The following TENM1 variants were observed in gnomAD, a reference collection of about 807,000 sequenced individuals.
TENM1 encodes the protein teneurin transmembrane protein 1, also known as teneurin-1.
A neutral mutation model predicts 174.8 loss-of-function variants in TENM1; 35 were observed. That is an observed-to-expected ratio of 0.20 (90% confidence interval 0.15 to 0.27). TENM1 has a LOEUF of 0.27. TENM1 is among the 10% of genes least tolerant of loss of function. The pLI, the probability that TENM1 is intolerant of heterozygous loss-of-function variation, is 1.00. For missense variants in TENM1, 1,633 were observed against 2,130.1 expected, an observed-to-expected ratio of 0.77 and a Z score of 4.59; for synonymous variants, 781 against 798.7, an observed-to-expected ratio of 0.98 and a Z score of 0.37.
chrX:124,587,052 T>C (rs773927570), intron 11 of TENM1, among the ~76,000 whole-genome samples: 3,689 of 108,685 alleles, frequency 0.034, 72 homozygotes, highest in African/African-American at 0.061. Flanking sequence ...TACAAACAAA[T>C]GGAAGAACAT....
intron 3 of TENM1, among the ~76,000 whole-genome samples, chrX:124,853,920 A>G (rs753320034): frequency 9.0e-6 from 1 of 111,468 alleles, no homozygotes; most frequent in African/African-American, 3.3e-5. Context: ...TGGTGCAACT[A>G]CAAGAGTGTC....
intron 11 of TENM1, among the ~76,000 whole-genome samples, chrX:124,607,007 G>T (rs965207403): frequency 1.4e-4 from 15 of 110,170 alleles, no homozygotes; most frequent in African/African-American, 4.6e-4. Flanking sequence ...AAAGGAGGAA[G>T]ATGTGGAGGA....
chrX:124,602,212 CA>C (rs1289337948), intron 11 of TENM1, among the ~76,000 whole-genome samples: 4 of 110,814 alleles, frequency 3.6e-5, no homozygotes, highest in African/African-American at 1.3e-4. Flanking sequence ...CTGAAATCCC[CA>C]AAACTAAAGT....
intron 10 of TENM1, among the ~76,000 whole-genome samples, chrX:124,644,400 G>A (rs1352960452): frequency 9.2e-6 from 1 of 108,706 alleles, no homozygotes; most frequent in African/African-American, 3.4e-5. Context: ...CCTCTTTCCC[G>A]AACAACAGTT....
intron 14 of TENM1, among the ~76,000 whole-genome samples, chrX:124,553,620 CT>C (rs1926778288): frequency 1.1e-5 from 1 of 95,106 alleles, no homozygotes; most frequent in Non-Finnish European, 2.0e-5. Context: ...ACCATCTTGC[CT>C]TTAAAAAAAA....
At chrX:124,923,948 G>C (rs1052200701) in intron 1 of TENM1, among the ~76,000 whole-genome samples, 1 of 112,348 alleles carries the variant, frequency 8.9e-6, no homozygotes, top group African/African-American at 3.2e-5. Flanking sequence ...AGAACTGTAA[G>C]ATAACACATT....
intron 1 of TENM1, among the ~76,000 whole-genome samples, chrX:124,942,829 T>C (rs905454823): frequency 3.6e-5 from 4 of 111,425 alleles, no homozygotes. Context: ...ATTATTTTTA[T>C]TTCAAATAGA....
chrX:124,936,561 C>G (rs1054096255), intron 1 of TENM1, among the ~76,000 whole-genome samples: 4 of 112,006 alleles, frequency 3.6e-5, no homozygotes, highest in Admixed American at 9.5e-5. Flanking sequence ...CCACTGTACT[C>G]AGTGCTTAGT....
At chrX:124,468,576 C>T (rs899866655) in intron 22 of TENM1, among the ~76,000 whole-genome samples, 2 of 112,336 alleles carry the variant, frequency 1.8e-5, no homozygotes, top group African/African-American at 3.2e-5. Flanking sequence ...GAGGTAACTA[C>T]TGTCCTGAAG....
At chrX:124,905,648 A>G (rs2057736397) in intron 1 of TENM1, among the ~76,000 whole-genome samples, 2 of 111,974 alleles carry the variant, frequency 1.8e-5, no homozygotes, top group African/African-American at 6.5e-5. Flanking sequence ...GGGGGATCAC[A>G]GGTAGAGCCT....
At chrX:124,389,706 T>C (rs967335131) in intron 28 of TENM1, among the ~76,000 whole-genome samples, 5 of 110,940 alleles carry the variant, frequency 4.5e-5, no homozygotes, top group Non-Finnish European at 9.4e-5. Flanking sequence ...AAGTGCTAGC[T>C]AGCATTTAAA....
At chrX:125,010,853 G>A in the TENM1 span, among the ~76,000 whole-genome samples, 9 of 107,065 alleles carry the variant, frequency 8.4e-5, no homozygotes, top group East Asian at 2.9e-4. Flanking sequence ...ATGTGGAACC[G>A]AAAAAGAGGC....
chrX:125,046,476 T>G, the TENM1 span, among the ~76,000 whole-genome samples: 1 of 112,294 alleles, frequency 8.9e-6, no homozygotes, highest in South Asian at 3.7e-4. Context: ...CCGTCTTCTA[T>G]GTAATCCCGT....
At chrX:125,081,251 T>C in the TENM1 span, among the ~76,000 whole-genome samples, 21 of 111,367 alleles carry the variant, frequency 1.9e-4, no homozygotes, top group Admixed American at 1.9e-4. Context: ...TCTGCATTCA[T>C]TTGCTAGATT....
intron 21 of TENM1, among the ~76,000 whole-genome samples, chrX:124,484,854 CAT>C (rs1392875858): frequency 1.8e-5 from 2 of 110,944 alleles, no homozygotes; most frequent in Non-Finnish European, 3.8e-5. Context: ...TTTTTCCTAA[CAT>C]ATCTTTCTCT....
At chrX:124,948,618 T>C (rs989299374) in intron 1 of TENM1, among the ~76,000 whole-genome samples, 1 of 112,685 alleles carries the variant, frequency 8.9e-6, no homozygotes, top group African/African-American at 3.2e-5. Context: ...AGTGGCACGA[T>C]CTTGGCTCAC....
At chrX:125,131,745 A>G in the TENM1 span, among the ~76,000 whole-genome samples, 11 of 112,135 alleles carry the variant, frequency 9.8e-5, no homozygotes, top group African/African-American at 1.9e-4. Context: ...ATTTAGCTCA[A>G]TCTGGGTTAT....
intron 25 of TENM1, among the ~76,000 whole-genome samples, chrX:124,415,160 A>G (rs1025728183): frequency 2.7e-5 from 3 of 112,222 alleles, no homozygotes; most frequent in Non-Finnish European, 5.6e-5. Context: ...GACAAAAGTG[A>G]AAAAAGTCAG....
chrX:124,623,497 A>C (rs920765829), intron 11 of TENM1, among the ~76,000 whole-genome samples: 2 of 111,827 alleles, frequency 1.8e-5, no homozygotes, highest in African/African-American at 6.5e-5. Flanking sequence ...TTAGGCAGTC[A>C]TTAGAGTGTG....
Sources: gnomAD v4.1 joint callset for allele counts (sites outside exome capture counted in the v4.1 genomes callset) on GRCh38, gnomAD v4.1.1 for gene constraint, MANE v1.5 for transcripts, NCBI Gene and HGNC (gene_info 2026-07-23, HGNC 2026-07-21) for gene names.